CTBP2: variants seen among roughly 807,000 people sequenced by gnomAD.
CTBP2 encodes the protein C-terminal binding protein 2.
A neutral mutation model predicts 80.3 loss-of-function variants in CTBP2; 30 were observed. That is an observed-to-expected ratio of 0.37 (90% CI 0.28 to 0.51). The LOEUF (loss-of-function observed/expected upper bound fraction) is 0.51. Ranked by LOEUF, CTBP2 falls within the 20% of genes least tolerant of loss-of-function variation. The pLI is 0.93. For missense variants in CTBP2, 1,212 were observed against 1,375.3 expected, an observed-to-expected ratio of 0.88 and a Z score of 1.88; for synonymous variants, 594 against 587.4, an observed-to-expected ratio of 1.01 and a Z score of -0.16.
At chr10:125,138,632 T>C (rs1265823312) in intron 1 of CTBP2, among the ~76,000 whole-genome samples, 2 of 133,264 alleles carry the variant, frequency 1.5e-5, no homozygotes, top group African/African-American at 5.7e-5. Flanking sequence ...GTAATTACCA[T>C]AACCAAAGGG....
rs574504184 is a variant in CTBP2 at position 125,052,222 on chromosome 10, A to G, written c.-101-13067T>C. 1.3e-3 allele frequency among the ~76,000 whole-genome samples: 205 copies of G among 152,280 alleles called. 3 individuals are homozygous for G. The Middle Eastern group carries it at 0.058, about 43-fold the overall frequency. ...TCTGTGCAGAATCCTGGCTTTATTAAAAAGCTCCAAGTCAACCCAAGCCTG... is the reference window on the plus strand; with the variant it reads ...TCTGTGCAGAATCCTGGCTTTATTAGAAAGCTCCAAGTCAACCCAAGCCTG... On this transcript the variant is annotated intron_variant, in intron 2 of 10. Transcript: ENST00000337195.
chr10:125,040,901 T>C (rs1017811309), intron 2 of CTBP2, among the ~76,000 whole-genome samples: 6 of 152,148 alleles, frequency 3.9e-5, no homozygotes, highest in Admixed American at 3.9e-4. Context: ...CAATTTCCAA[T>C]CACATAAATA....
At chr10:125,077,675 A>G (rs1034790007) in intron 2 of CTBP2, among the ~76,000 whole-genome samples, 9 of 152,226 alleles carry the variant, frequency 5.9e-5, no homozygotes, top group Admixed American at 1.3e-4. Context: ...GCCTGCCTAA[A>G]AGAACCCTGA....
intron 2 of CTBP2, among the ~76,000 whole-genome samples, chr10:125,097,575 G>C (rs1328552705): frequency 2.0e-5 from 3 of 152,150 alleles, no homozygotes; most frequent in African/African-American, 7.2e-5. Context: ...GCTGCTACAG[G>C]CGCGCCTTAG....
rs368602070 is a variant in CTBP2, at chr10:125,027,210, C to T, written c.550G>A (p.Ala184Thr). ...TCCCGTCCATACCGCCCGGGAGATGCAGCCCTGCTCTGTGTCTGCCGCCCC... is the reference window on the plus strand; with the variant it reads ...TCCCGTCCATACCGCCCGGGAGATGTAGCCCTGCTCTGTGTCTGCCGCCCC... The change falls in exon 1 of 9, where the codon GCA becomes ACA. Residue 184 changes from alanine to threonine, a missense_variant. Physicochemically the swap from Ala to Thr is moderately conservative, Grantham distance 58. Coordinates refer to ENST00000309035, the MANE Select transcript of CTBP2 (RefSeq NM_022802.3). The T allele has an allele frequency of 3.1e-5, 50 of 1,611,006 alleles. No individual in the cohort carries two copies. Among genetic ancestry groups the T allele is most frequent in the Non-Finnish European group, 4.2e-5 (49 of 1,178,068 alleles).
At position 124,994,089 on chromosome 10, in the gene CTBP2, T is replaced by C. The variant is rs557450776; in HGVS notation, c.2401-104A>G. The C allele has an allele frequency of 2.6e-5, 39 of 1,472,030 alleles. No homozygotes were observed. In the African/African-American group the frequency reaches 5.0e-4, roughly 19 times the overall value. The allele number at this position is 1,472,030 out of a possible 1,614,324, so 91.2% of individuals were successfully genotyped here. On this transcript the variant is annotated intron_variant, in intron 5 of 8. Coordinates refer to ENST00000309035, the MANE Select transcript of CTBP2 (RefSeq NM_022802.3). ...CTGCAAGCTAGTTTTGTTGGTCTGG[T>C]GGTTTAATGTGTGTGCTGCAGTTTG...
At chr10:125,053,306 A>G (rs1004541904) in intron 2 of CTBP2, among the ~76,000 whole-genome samples, 1 of 152,064 alleles carries the variant, frequency 6.6e-6, no homozygotes, top group Non-Finnish European at 1.5e-5. Flanking sequence ...GAGCAGGAGG[A>G]GCCCACTGAA....
chr10:125,055,365 G>A (rs74939071), intron 2 of CTBP2, among the ~76,000 whole-genome samples: 2,065 of 152,280 alleles, frequency 0.014, 43 homozygotes, highest in African/African-American at 0.046. Flanking sequence ...CAAAAACCAC[G>A]CAGGTGCCAT....
At chr10:125,045,227 C>T (rs957611382) in intron 2 of CTBP2, among the ~76,000 whole-genome samples, 1 of 152,118 alleles carries the variant, frequency 6.6e-6, no homozygotes, top group African/African-American at 2.4e-5. Flanking sequence ...GCAGGCCCTC[C>T]CAGATCCTGG....
intron 8 of CTBP2, 106 bp from the exon 11 acceptor site, chr10:124,989,804 T>C: frequency 9.0e-7 from 1 of 1,109,256 alleles, no homozygotes; most frequent in Non-Finnish European, 1.2e-6. Context: ...CCCAGTGACA[T>C]GAACATGGCT....
intron 1 of CTBP2, among the ~76,000 whole-genome samples, chr10:125,118,462 G>C (rs558595880): frequency 2.0e-5 from 3 of 152,314 alleles, no homozygotes; most frequent in East Asian, 1.9e-4. Context: ...GTTTTGAAAG[G>C]GGGGAAGAAA....
intron 1 of CTBP2, among the ~76,000 whole-genome samples, chr10:125,157,938 G>C (rs1028973865): frequency 1.3e-5 from 2 of 152,146 alleles, no homozygotes; most frequent in African/African-American, 4.8e-5. Context: ...TCAGAGATCT[G>C]ATGCCAGACA....
intron 2 of CTBP2, among the ~76,000 whole-genome samples, chr10:125,056,586 A>G (rs1033562811): frequency 6.6e-6 from 1 of 151,624 alleles, no homozygotes; most frequent in Non-Finnish European, 1.5e-5. Context: ...CTGAAAACTC[A>G]CTCCCTCTAG....
At chr10:125,098,849 T>A (rs1339341034) in intron 2 of CTBP2, among the ~76,000 whole-genome samples, 1 of 151,926 alleles carries the variant, frequency 6.6e-6, no homozygotes, top group Non-Finnish European at 1.5e-5. Flanking sequence ...CCTGGAGTCC[T>A]GGCTACAGCA....
chr10:125,130,268 G>C (rs543632439), intron 1 of CTBP2, among the ~76,000 whole-genome samples: 42 of 152,000 alleles, frequency 2.8e-4, no homozygotes, highest in Non-Finnish European at 4.9e-4. Flanking sequence ...GGCTGGTCTC[G>C]AACTCCTGAC....
intron 1 of CTBP2, chr10:125,138,372 A>C (rs573918753): frequency 1.3e-5 from 2 of 152,194 alleles, no homozygotes; most frequent in Non-Finnish European, 2.9e-5. Flanking sequence ...CCACGCTGAC[A>C]CTTGAAAGGC....
intron 1 of CTBP2, among the ~76,000 whole-genome samples, chr10:125,145,432 C>T (rs986195336): frequency 3.3e-5 from 5 of 152,156 alleles, no homozygotes; most frequent in South Asian, 2.1e-4. Flanking sequence ...CTGAGTCACT[C>T]GTGAAAACCA....
intron 1 of CTBP2, among the ~76,000 whole-genome samples, chr10:125,006,837 G>A (rs1381858949): frequency 2.0e-5 from 3 of 151,442 alleles, no homozygotes; most frequent in Non-Finnish European, 2.9e-5. Context: ...GGCGCAGTAC[G>A]TAATGAGGGC....
In CTBP2 at chr10:125,078,236, C is replaced by T. The variant is rs923157653; in HGVS notation, c.-102+32754G>A. 8.7e-5 allele frequency among the ~76,000 whole-genome samples: 13 copies of T among 149,210 alleles called. No homozygotes were observed. In the South Asian group the frequency reaches 1.3e-3, roughly 15 times the overall value. On this transcript the variant is annotated intron_variant, in intron 2 of 10. Coordinates refer to the CTBP2 transcript ENST00000337195. ...CGGAGCTTGTAGTGAGCCGAGATCG[C>T]GCCTCTGCACTCCAGCCTGGGCGAC...
Sources: gnomAD v4.1 joint callset for allele counts (sites outside exome capture counted in the v4.1 genomes callset) on GRCh38, gnomAD v4.1.1 for gene constraint, MANE v1.5 for transcripts, NCBI Gene and HGNC (gene_info 2026-07-23, HGNC 2026-07-21) for gene names.